NR5A2: variants seen among roughly 807,000 people sequenced by gnomAD.
NR5A2 encodes the protein nuclear receptor subfamily 5 group A member 2.
In NR5A2, 26 loss-of-function variants were observed where a neutral mutation model predicts 62.7. That is an observed-to-expected ratio of 0.41 (90% CI 0.30 to 0.58). The LOEUF is 0.58. NR5A2 is among the 20% of genes least tolerant of loss of function. The pLI, the probability that NR5A2 is intolerant of heterozygous loss-of-function variation, is 0.22. For synonymous variants in NR5A2, 246 were observed against 241.7 expected, an observed-to-expected ratio of 1.02 and a Z score of -0.16; for missense variants, 541 against 669.1, an observed-to-expected ratio of 0.81 and a Z score of 2.11.
At chr1:200,166,116 CAG>C (rs1653887869) in intron 7 of NR5A2, among the ~76,000 whole-genome samples, 1 of 152,168 alleles carries the variant, frequency 6.6e-6, no homozygotes, top group East Asian at 1.9e-4. Flanking sequence ...TTCAGTGTGA[CAG>C]AGACCAGAGT....
chr1:200,111,967 G>C (rs1665974180), intron 6 of NR5A2, among the ~76,000 whole-genome samples: 1 of 151,930 alleles, frequency 6.6e-6, no homozygotes, highest in African/African-American at 2.4e-5. Context: ...AAAATAAAAA[G>C]GTTCCTGCCC....
intron 5 of NR5A2, among the ~76,000 whole-genome samples, chr1:200,088,408 C>A (rs895176692): frequency 1.2e-4 from 19 of 152,276 alleles, no homozygotes; most frequent in Non-Finnish European, 1.8e-4. Flanking sequence ...CAGGCATGTG[C>A]CACCACGCCC....
chr1:200,107,544 C>G (rs1039849339), intron 5 of NR5A2, among the ~76,000 whole-genome samples: 2 of 152,162 alleles, frequency 1.3e-5, no homozygotes, highest in African/African-American at 2.4e-5. Flanking sequence ...TTCACCTATT[C>G]CTGCAATTTT....
intron 5 of NR5A2, among the ~76,000 whole-genome samples, chr1:200,106,687 A>T (rs961874394): frequency 3.3e-5 from 5 of 152,190 alleles, no homozygotes; most frequent in African/African-American, 1.2e-4. Flanking sequence ...TAATACCTGG[A>T]GAATTTGCTT....
intron 1 of NR5A2, among the ~76,000 whole-genome samples, chr1:200,037,865 C>A (rs182696660): frequency 1.8e-4 from 28 of 152,278 alleles, no homozygotes; most frequent in South Asian, 1.7e-3. Context: ...TGATGAACAA[C>A]CCATTTTATG....
At chr1:200,072,859 G>A (rs1663802212) in intron 5 of NR5A2, among the ~76,000 whole-genome samples, 1 of 152,008 alleles carries the variant, frequency 6.6e-6, no homozygotes, top group African/African-American at 2.4e-5. Context: ...GTATTCCATG[G>A]CATAGGAAAT....
At chr1:200,068,136 T>G (rs1040549119) in intron 5 of NR5A2, among the ~76,000 whole-genome samples, 11 of 152,348 alleles carry the variant, frequency 7.2e-5, no homozygotes, top group African/African-American at 2.6e-4. Flanking sequence ...TCTTCAATTC[T>G]TTAATGATCT....
intron 5 of NR5A2, among the ~76,000 whole-genome samples, chr1:200,101,330 A>C (rs1249197028): frequency 6.6e-6 from 1 of 152,210 alleles, no homozygotes; most frequent in Non-Finnish European, 1.5e-5. Flanking sequence ...TATATCCACA[A>C]TCTGAGAAGA....
intron 7 of NR5A2, among the ~76,000 whole-genome samples, chr1:200,121,587 C>T (rs1397492859): frequency 6.6e-6 from 1 of 152,092 alleles, no homozygotes; most frequent in Non-Finnish European, 1.5e-5. Flanking sequence ...AAAATCACCA[C>T]AGCTTGGAAT....
At chr1:200,086,763 G>A (rs1054985857) in intron 5 of NR5A2, among the ~76,000 whole-genome samples, 2 of 152,176 alleles carry the variant, frequency 1.3e-5, no homozygotes, top group African/African-American at 4.8e-5. Flanking sequence ...ACAAGGCCGG[G>A]CAAGGTGGCT....
At position 200,039,803 on chromosome 1, in the gene NR5A2, G is replaced by A. The variant is rs775218138; in HGVS notation, c.202+8G>A. 1 of 1,592,382 alleles carries A rather than the reference G, an allele frequency of 6.3e-7. No individual in the cohort carries two copies. Among genetic ancestry groups the A allele is most frequent in the African/African-American group, 1.4e-5 (1 of 72,320 alleles). The stretch of plus-strand genomic sequence containing the variant: ...TGCCGGAAAACATGCAAGGTAAGGA[G>A]GCGCCGCGCGGCGCTCCGGCTCCCG... On this transcript the variant is annotated splice_region_variant and intron_variant, in intron 2 of 7. Transcript: ENST00000367362. This position sits in a 1 kb window ranked among gnomAD's most constrained non-coding sequence, Gnocchi z 5.1.
chr1:200,109,476 A>T (rs944588695), intron 5 of NR5A2, among the ~76,000 whole-genome samples: 1 of 152,184 alleles, frequency 6.6e-6, no homozygotes, highest in Non-Finnish European at 1.5e-5. Context: ...AGGCTGGAGA[A>T]TTAAGTAGCT....
chr1:200,029,896 T>C (rs1010085150), intron 1 of NR5A2, among the ~76,000 whole-genome samples: 2 of 152,086 alleles, frequency 1.3e-5, no homozygotes, highest in Non-Finnish European at 2.9e-5. Context: ...AGACAATCTG[T>C]TTACCTCGTA....
intron 5 of NR5A2, among the ~76,000 whole-genome samples, chr1:200,068,527 C>T (rs142429235): frequency 6.6e-6 from 1 of 152,114 alleles, no homozygotes; most frequent in African/African-American, 2.4e-5. Flanking sequence ...CTTATTAGCC[C>T]AAGTCAGTGG....
At chr1:200,145,468 T>TTGTGTGTGTGTGTGTGTGTGTGTGTG (rs66885184) in intron 7 of NR5A2, among the ~76,000 whole-genome samples, 1 of 142,114 alleles carries the variant, frequency 7.0e-6, no homozygotes, top group Non-Finnish European at 1.5e-5. Flanking sequence ...TTGATAGAAT[T>TTGTGTGTGTGTGTGTGTGTGTGTGTG]TGTGTGTGTG....
intron 1 of NR5A2, among the ~76,000 whole-genome samples, chr1:200,032,523 ACT>A (rs1202886732): frequency 1.3e-5 from 2 of 152,210 alleles, no homozygotes; most frequent in African/African-American, 4.8e-5. Flanking sequence ...GTCCCCAAGG[ACT>A]TTGTCAAGCC....
intron 6 of NR5A2, among the ~76,000 whole-genome samples, chr1:200,113,275 TC>T (rs1180197296): frequency 1.3e-5 from 2 of 152,196 alleles, no homozygotes; most frequent in African/African-American, 2.4e-5. Flanking sequence ...CCAGCTCCCC[TC>T]CCCACCCTTT....
intron 7 of NR5A2, among the ~76,000 whole-genome samples, chr1:200,148,990 A>G (rs1212111802): frequency 1.3e-5 from 2 of 151,512 alleles, no homozygotes; most frequent in Non-Finnish European, 1.5e-5. Context: ...TCAACTTAAA[A>G]CAACCAACAA....
rs778425009 is a variant in NR5A2, at chr1:200,174,019, GC to G, written c.1437del (p.Ala480ProfsTer43). 6.2e-7 allele frequency: 1 copy of G among 1,602,834 alleles called. No individual in the cohort carries two copies. On this transcript the variant is annotated frameshift_variant, in exon 8 of 8. Coordinates refer to ENST00000367362, the MANE Select transcript of NR5A2 (RefSeq NM_205860.3). LOFTEE classifies it high-confidence loss of function. Reference protein sequence around the residue: ...LVEGVQEQVNAALLDYTMCNY... With the variant: ...LVEGVQEQVNXALLDYTMCNY... ...AGAAGGTGTCCAGGAACAAGTCAAT[GC>G]CGCCCTGCTGGACTACACAATGTGT...
Sources: allele counts gnomAD v4.1 joint callset (sites outside exome capture counted in the v4.1 genomes callset), GRCh38; gene constraint gnomAD v4.1.1; non-coding constraint Gnocchi (gnomAD v3.1); transcripts MANE v1.5; gene names NCBI Gene and HGNC (gene_info 2026-07-23, HGNC 2026-07-21).